Variants in OPCML observed in about 807,000 individuals in gnomAD.
OPCML encodes the protein opioid-binding protein/cell adhesion molecule.
Under a neutral mutation model 37.8 loss-of-function variants are expected in OPCML, and 13 were observed. The observed-to-expected ratio is 0.34, with a 90% confidence interval of 0.22 to 0.55. OPCML has a LOEUF of 0.55. Ranked by LOEUF, OPCML falls within the 20% of genes least tolerant of loss-of-function variation. OPCML has a pLI of 0.91. For synonymous variants in OPCML, 176 were observed against 168.8 expected (o/e 1.04, Z -0.33); for missense variants, 341 against 435.6 (o/e 0.78, Z 1.93).
intron 2 of OPCML, among the ~76,000 whole-genome samples, chr11:132,698,021 TATTTATTG>T (rs1396890965): frequency 5.0e-5 from 5 of 99,230 alleles, no homozygotes; most frequent in East Asian, 2.7e-4. Context: ...TTTATTTATT[TATTTATTG>T]TAGAGATGGG....
rs556632143 is a variant in OPCML, at chr11:132,494,176, A to G, written c.505+34885T>C. On this transcript the variant is annotated intron_variant, in intron 4 of 7. Transcript: ENST00000524381. ...AATCCAAGAAGTTGTTGTCAATAAT[A>G]CTTTTGTAAATGCAAGAAGGACAAT... 9.2e-5 allele frequency among the ~76,000 whole-genome samples: 14 copies of G among 152,318 alleles called. 1 individual carries two copies. In the South Asian group the frequency reaches 2.9e-3, roughly 32 times the overall value.
At chr11:132,473,163 T>C (rs184332462) in intron 4 of OPCML, among the ~76,000 whole-genome samples, 20 of 152,350 alleles carry the variant, frequency 1.3e-4, no homozygotes, top group Non-Finnish European at 2.2e-4. Flanking sequence ...GCCAAGTGAA[T>C]GACCTTTGGC....
At chr11:133,010,040 A>G (rs189128524) in intron 1 of OPCML, among the ~76,000 whole-genome samples, 26 of 152,304 alleles carry the variant, frequency 1.7e-4, no homozygotes, top group Admixed American at 5.2e-4. Context: ...CCAGCAATAC[A>G]ACCAAAGAGT....
At chr11:133,451,891 C>CTGCATTCAG (rs1353839626) in intron 1 of OPCML, among the ~76,000 whole-genome samples, 26 of 151,382 alleles carry the variant, frequency 1.7e-4, no homozygotes, top group Non-Finnish European at 3.5e-4. Context: ...AATGCCTCCT[C>CTGCATTCAG]TGCAGGGAAG....
chr11:133,238,138 T>G (rs138207558), intron 1 of OPCML, among the ~76,000 whole-genome samples: 1 of 152,340 alleles, frequency 6.6e-6, no homozygotes, highest in Non-Finnish European at 1.5e-5. Flanking sequence ...TGTCAGACTA[T>G]AGACCATATA....
At chr11:133,132,653 C>A (rs1299705452) in intron 1 of OPCML, among the ~76,000 whole-genome samples, 1 of 152,030 alleles carries the variant, frequency 6.6e-6, no homozygotes, top group Non-Finnish European at 1.5e-5. Context: ...TGCACCGATA[C>A]AATGGAATAC....
At chr11:132,425,262 A>G (rs2095974310) in intron 7 of OPCML, among the ~76,000 whole-genome samples, 2 of 150,332 alleles carry the variant, frequency 1.3e-5, no homozygotes, top group African/African-American at 5.0e-5. Context: ...ACAAATAAAC[A>G]GACAAATATT....
intron 1 of OPCML, among the ~76,000 whole-genome samples, chr11:133,027,522 GAT>G (rs1947579378): frequency 6.6e-6 from 1 of 150,442 alleles, no homozygotes; most frequent in African/African-American, 2.4e-5. Flanking sequence ...CGGTGTGTGT[GAT>G]GTGTGTGTGC....
intron 1 of OPCML, among the ~76,000 whole-genome samples, chr11:133,015,365 GAGGAATGA>G (rs1398194961): frequency 9.2e-6 from 1 of 109,078 alleles, no homozygotes; most frequent in Non-Finnish European, 1.8e-5. Flanking sequence ...GGAAGGAAGG[GAGGAATGA>G]AGGAAGGAAG....
chr11:133,326,938 G>A (rs559411101), intron 1 of OPCML, among the ~76,000 whole-genome samples: 4 of 147,082 alleles, frequency 2.7e-5, no homozygotes, highest in Admixed American at 6.8e-5. Context: ...TGTGTGGGGC[G>A]TGGGTGGGGT....
intron 1 of OPCML, chr11:133,026,688 C>G: frequency 7.9e-6 from 5 of 636,872 alleles, no homozygotes; most frequent in Non-Finnish European, 9.7e-6. Context: ...CGATAAGGAA[C>G]CTGTGTTTAG....
intron 2 of OPCML, among the ~76,000 whole-genome samples, chr11:132,769,243 G>T (rs12795288): frequency 0.38 from 55,180 of 144,328 alleles, 11,048 homozygotes; most frequent in Non-Finnish European, 0.44. Flanking sequence ...TTTGTTTGTT[G>T]TTTTTTTTTT....
Position 132,560,939 on chromosome 11 carries a change from CTTTG to C in OPCML, c.380-31757_380-31754del, listed in dbSNP as rs376378945. 1.2e-3 allele frequency among the ~76,000 whole-genome samples: 181 copies of C among 152,170 alleles called. 1 individual carries two copies. Among genetic ancestry groups the C allele is most frequent in the African/African-American group, 4.2e-3 (176 of 41,530 alleles). On this transcript the variant is annotated intron_variant, in intron 3 of 7. Coordinates refer to ENST00000524381, the MANE Select transcript of OPCML (RefSeq NM_001012393.5). ...GTTTAATTAAGTCCTATCTATTTAT[CTTTG>C]TTTTTGTTGCATTTGCCTTTGGGTT...
At chr11:132,824,625 G>T (rs2136259635) in intron 2 of OPCML, among the ~76,000 whole-genome samples, 1 of 152,230 alleles carries the variant, frequency 6.6e-6, no homozygotes, top group Non-Finnish European at 1.5e-5. Flanking sequence ...AAATGGCTCT[G>T]CAAGGTCACC....
intron 2 of OPCML, among the ~76,000 whole-genome samples, chr11:132,736,281 A>C (rs542080682): frequency 2.6e-5 from 4 of 152,284 alleles, no homozygotes; most frequent in Admixed American, 2.0e-4. Context: ...ATATGGAAGG[A>C]AGCACACTGA....
chr11:133,247,118 G>A (rs1337202224), intron 1 of OPCML, among the ~76,000 whole-genome samples: 2 of 152,158 alleles, frequency 1.3e-5, no homozygotes, highest in African/African-American at 4.8e-5. Flanking sequence ...AGAAAAGACT[G>A]AATACTTGAA....
intron 3 of OPCML, among the ~76,000 whole-genome samples, chr11:132,582,600 T>C (rs1376138039): frequency 6.6e-6 from 1 of 152,038 alleles, no homozygotes; most frequent in East Asian, 1.9e-4. Flanking sequence ...ATAAAAGATG[T>C]TTTCAAAGAT....
At chr11:132,540,097 A>G (rs2096352339) in intron 3 of OPCML, among the ~76,000 whole-genome samples, 1 of 152,202 alleles carries the variant, frequency 6.6e-6, no homozygotes, top group African/African-American at 2.4e-5. Flanking sequence ...GAGTTGTCCA[A>G]AAGTGAAATG....
chr11:133,379,802 A>C (rs1283567961), intron 1 of OPCML, among the ~76,000 whole-genome samples: 11 of 152,226 alleles, frequency 7.2e-5, no homozygotes, highest in Non-Finnish European at 1.6e-4. Context: ...GTACAATAAC[A>C]TTAAAGGCTC....
Sources: allele counts gnomAD v4.1 joint callset (sites outside exome capture counted in the v4.1 genomes callset), GRCh38; gene constraint gnomAD v4.1.1; transcripts MANE v1.5; gene names NCBI Gene and HGNC (gene_info 2026-07-23, HGNC 2026-07-21).